RRP12: variants seen among roughly 807,000 people sequenced by gnomAD.
The protein encoded by RRP12 is ribosomal RNA processing 12 homolog.
RRP12 carries 78 observed loss-of-function variants against 157.3 expected under a neutral mutation model. That is an observed-to-expected ratio of 0.50 (90% CI 0.41 to 0.60). RRP12 has a LOEUF of 0.60. Ranked by LOEUF, RRP12 falls within the 20% of genes least tolerant of loss-of-function variation. The pLI, the probability that RRP12 is intolerant of heterozygous loss-of-function variation, is 0.00. For missense variants in RRP12, 1,521 were observed against 1,679.9 expected (o/e 0.91, Z 1.65); for synonymous variants, 726 against 670.9 (o/e 1.08, Z -1.27).
chr10:97,401,287 A>C lies in RRP12; in HGVS notation c.-56T>G. The C allele has an allele frequency of 6.2e-7, 1 of 1,608,808 alleles. No homozygotes were observed. Among genetic ancestry groups the C allele is most frequent in the Non-Finnish European group, 8.5e-7 (1 of 1,175,996 alleles). The stretch of plus-strand genomic sequence containing the variant: ...AAATGACCGGCTTCCAGGGACGTAG[A>C]AACACGCTCAGAACCCACGTGGATA... On this transcript the variant is annotated 5_prime_UTR_variant, in exon 1 of 34. Transcript: ENST00000370992.
At chr10:97,365,296 CAG>C (rs1373662882) in intron 29 of RRP12, among the ~76,000 whole-genome samples, 13 of 127,652 alleles carry the variant, frequency 1.0e-4, no homozygotes, top group Non-Finnish European at 1.8e-4. Flanking sequence ...TTTTTTGAGA[CAG>C]AGTTTCGCTC....
chr10:97,369,354 A>T, intron 25 of RRP12, 71 bp downstream of exon 25: 1 of 1,509,646 alleles, frequency 6.6e-7, no homozygotes. Flanking sequence ...GCTGGCCTCG[A>T]AGCTTGCCAG....
At chr10:97,359,609 C>T (rs1158572856) in intron 31 of RRP12, among the ~76,000 whole-genome samples, 2 of 152,210 alleles carry the variant, frequency 1.3e-5, no homozygotes, top group Non-Finnish European at 2.9e-5. Flanking sequence ...CCTACCATGC[C>T]AGCTCAGGAG....
rs866953707 is a variant in RRP12 at position 97,370,686 on chromosome 10, C to T, written c.2583+30G>A. 7.5e-6 allele frequency: 12 copies of T among 1,610,160 alleles called. No individual in the cohort carries two copies. In the Middle Eastern group the frequency reaches 1.8e-3, roughly 244 times the overall value. The stretch of plus-strand genomic sequence containing the variant: ...GCCCTTAAGAGCCACATTCCAGGGA[C>T]CCCCCTCTAAAACACACCCGCACAC... On this transcript the variant is annotated intron_variant, in intron 22 of 33. Transcript: ENST00000370992.
At chr10:97,362,300 G>T (rs190998347) in intron 30 of RRP12, among the ~76,000 whole-genome samples, 1 of 152,150 alleles carries the variant, frequency 6.6e-6, no homozygotes, top group East Asian at 1.9e-4. Context: ...GGTTCTCCCC[G>T]GCCAGGGAGA....
rs891377799 is a variant in RRP12, at chr10:97,388,360, G to A, written c.909C>T (p.Thr303=). The A allele has an allele frequency of 2.5e-6, 4 of 1,613,826 alleles. No individual in the cohort carries two copies. Among genetic ancestry groups the A allele is most frequent in the South Asian group, 1.1e-5 (1 of 91,084 alleles). ...EKSGGSKEAT[T]TLHMLTLLKD... is the part of the protein sequence containing the mutation. ...TCAGCAGCGTCAGCATGTGCAGCGTGGTGGTGGCCTCCTTGGAGCCTGGTA... is the reference window on the plus strand; with the variant it reads ...TCAGCAGCGTCAGCATGTGCAGCGTAGTGGTGGCCTCCTTGGAGCCTGGTA... The change falls in exon 8 of 34, where the codon ACC becomes ACT. Residue 303 remains threonine (T), a synonymous_variant. Transcript: ENST00000370992.
At chr10:97,392,014 C>CTT (rs1844820536) in intron 4 of RRP12, among the ~76,000 whole-genome samples, 1 of 123,820 alleles carries the variant, frequency 8.1e-6, no homozygotes, top group African/African-American at 3.1e-5. Context: ...TTTTTTTTTT[C>CTT]TTTTTTTGGA....
At position 97,379,288 on chromosome 10, in the gene RRP12, C is replaced by T. The variant is rs1274618340; in HGVS notation, c.1798+5G>A. 1.2e-6 allele frequency: 2 copies of T among 1,613,670 alleles called. No individual in the cohort carries two copies. The highest frequency in any genetic ancestry group is 1.7e-6 in the Non-Finnish European group (2 of 1,179,828). On this transcript the variant is annotated splice_donor_5th_base_variant and intron_variant, in intron 15 of 33. Coordinates refer to ENST00000370992, the MANE Select transcript of RRP12 (RefSeq NM_015179.4). ...AGGTCACACACAGGCAAGGGTCTCTCCTACCTTTGCTCTTCAGGGTGTTAG... is the reference window on the plus strand; with the variant it reads ...AGGTCACACACAGGCAAGGGTCTCTTCTACCTTTGCTCTTCAGGGTGTTAG...
At chr10:97,395,706 C>G (rs1481248409) in intron 3 of RRP12, among the ~76,000 whole-genome samples, 1 of 151,830 alleles carries the variant, frequency 6.6e-6, no homozygotes, top group Non-Finnish European at 1.5e-5. Flanking sequence ...AAAAAATAAG[C>G]CGGGTATGGT....
chr10:97,401,228 C>A lies in RRP12; in HGVS notation c.4G>T (p.Gly2Cys). 1 of 1,614,078 alleles carries A rather than the reference C, an allele frequency of 6.2e-7. No individual in the cohort carries two copies. The highest frequency in any genetic ancestry group is 8.5e-7 in the Non-Finnish European group (1 of 1,180,006). The change falls in exon 1 of 34, where the codon GGT becomes TGT. Residue 2 changes from glycine (G) to cysteine (C), a missense_variant. Coordinates refer to ENST00000370992, the MANE Select transcript of RRP12 (RefSeq NM_015179.4). The part of the protein sequence containing the change: M[G>C]RSGKLPSGVS... ...CCAGAAGGCAACTTTCCCGAGCGAC[C>A]CATGTTGACTAAGCCGTGGCGAGGA...
At chr10:97,374,837 A>G (rs975291427) in intron 15 of RRP12, among the ~76,000 whole-genome samples, 1 of 151,024 alleles carries the variant, frequency 6.6e-6, no homozygotes, top group African/African-American at 2.4e-5. Context: ...AACCTTGTTT[A>G]CTTGACAATA....
At chr10:97,389,500 G>A (rs1844741010) in intron 6 of RRP12, among the ~76,000 whole-genome samples, 2 of 152,158 alleles carry the variant, frequency 1.3e-5, no homozygotes, top group South Asian at 4.1e-4. Context: ...ACCGAGGGAA[G>A]GGGGCATGAG....
At chr10:97,382,088 C>T (rs10882913) in intron 10 of RRP12, among the ~76,000 whole-genome samples, 58,096 of 152,100 alleles carry the variant, frequency 0.38, 11,569 homozygotes, top group African/African-American at 0.5. Context: ...TGGCCTGACC[C>T]TTATATGTAC....
chr10:97,364,399 TCAATCAA>T (rs1459556098), intron 29 of RRP12, among the ~76,000 whole-genome samples: 13 of 151,858 alleles, frequency 8.6e-5, no homozygotes, highest in Non-Finnish European at 1.8e-4. Context: ...TCAGGCAAAG[TCAATCAA>T]CAACCAAAAG....
chr10:97,381,840 AG>A lies in RRP12; in HGVS notation c.1209-15del. 1 of 1,605,144 alleles carries A rather than the reference AG, an allele frequency of 6.2e-7. No individual in the cohort carries two copies. Among genetic ancestry groups the A allele is most frequent in the Non-Finnish European group, 8.5e-7 (1 of 1,172,372 alleles). ...TCCCACTGCAACCTGTCAAGACAAA[AG>A]GTTTCTGTGGGGCCTGGCCTGAGCC... On this transcript the variant is annotated splice_polypyrimidine_tract_variant and intron_variant, in intron 10 of 33. Transcript: ENST00000370992.
At chr10:97,400,794 G>A (rs1845123661) in intron 1 of RRP12, among the ~76,000 whole-genome samples, 1 of 152,104 alleles carries the variant, frequency 6.6e-6, no homozygotes, top group South Asian at 2.1e-4. Context: ...ACATTCAGAG[G>A]GCCTGCAAAA....
At chr10:97,390,578 G>A (rs768006072) in intron 5 of RRP12, 39 bp from the exon 6 acceptor site, 50 of 1,526,218 alleles carry the variant, frequency 3.3e-5, no homozygotes, top group South Asian at 1.1e-4. Context: ...CACCAGCCTC[G>A]GCCAGGAGGG....
In RRP12 at chr10:97,381,451, C is replaced by G; in HGVS notation, c.1353G>C (p.Met451Ile). 1 of 1,613,090 alleles carries G rather than the reference C, an allele frequency of 6.2e-7. No individual in the cohort carries two copies. Among genetic ancestry groups the G allele is most frequent in the South Asian group, 1.1e-5 (1 of 90,886 alleles). Residue 451 changes from methionine to isoleucine, a missense_variant, in exon 12 of 34, where the codon ATG becomes ATC. Transcript: ENST00000370992. ...AGGAGGTCACGGAGCCAATGTCAGC[C>G]ATGTGGGGAGCCACGCATTCCTTCA... ...EILKECVAPH[M>I]ADIGSVTSSA...
At chr10:97,376,881 C>CTTTT (rs200661913) in intron 15 of RRP12, among the ~76,000 whole-genome samples, 1 of 139,028 alleles carries the variant, frequency 7.2e-6, no homozygotes, top group African/African-American at 2.6e-5. Flanking sequence ...TCTTTCTTTT[C>CTTTT]TTTTTTTTTT....
Sources: gnomAD v4.1 joint callset for allele counts (sites outside exome capture counted in the v4.1 genomes callset) on GRCh38, gnomAD v4.1.1 for gene constraint, MANE v1.5 for transcripts, NCBI Gene and HGNC (gene_info 2026-07-23, HGNC 2026-07-21) for gene names.